The following PABPC4L variants were observed in gnomAD, a reference collection of about 807,000 sequenced individuals.
The protein encoded by PABPC4L is poly(A) binding protein cytoplasmic 4 like.
For synonymous variants in PABPC4L, 169 were observed against 164.1 expected, an observed-to-expected ratio of 1.03 and a Z score of -0.23; for missense variants, 452 against 451.4, an observed-to-expected ratio of 1.00 and a Z score of -0.01.
the PABPC4L span, among the ~76,000 whole-genome samples, chr4:134,077,441 G>A: frequency 6.6e-6 from 1 of 151,882 alleles, no homozygotes; most frequent in African/African-American, 2.4e-5. Flanking sequence ...TGCAGAAGAG[G>A]GGAAAAAAAA....
chr4:133,957,644 A>G, the PABPC4L span, among the ~76,000 whole-genome samples: 1 of 152,164 alleles, frequency 6.6e-6, no homozygotes, highest in African/African-American at 2.4e-5. Flanking sequence ...GCCCCAGCAG[A>G]GGTTCTCCAT....
At chr4:133,981,181 C>T in the PABPC4L span, among the ~76,000 whole-genome samples, 1 of 151,482 alleles carries the variant, frequency 6.6e-6, no homozygotes, top group African/African-American at 2.4e-5. Context: ...AAAATAGTAA[C>T]AAATATTTTC....
chr4:134,111,209 A>G, the PABPC4L span, among the ~76,000 whole-genome samples: 1 of 151,752 alleles, frequency 6.6e-6, no homozygotes, highest in Non-Finnish European at 1.5e-5. Flanking sequence ...AAAGGGGCAA[A>G]CTCCCTTCAC....
At chr4:134,101,891 A>G in the PABPC4L span, among the ~76,000 whole-genome samples, 1 of 151,528 alleles carries the variant, frequency 6.6e-6, no homozygotes, top group South Asian at 2.1e-4. Flanking sequence ...TATATACAAA[A>G]TAGCATATGT....
chr4:134,143,717 A>G, the PABPC4L span, among the ~76,000 whole-genome samples: 227 of 151,522 alleles, frequency 1.5e-3, no homozygotes, highest in African/African-American at 5.2e-3. Context: ...ATATGTATTA[A>G]TCACCTAAAT....
At chr4:134,041,402 A>C in the PABPC4L span, among the ~76,000 whole-genome samples, 1 of 152,144 alleles carries the variant, frequency 6.6e-6, no homozygotes, top group Non-Finnish European at 1.5e-5. Flanking sequence ...CCATAAAAGA[A>C]AAGGATGAGT....
At chr4:133,948,801 A>C in the PABPC4L span, among the ~76,000 whole-genome samples, 23 of 152,268 alleles carry the variant, frequency 1.5e-4, no homozygotes, top group African/African-American at 5.5e-4. Flanking sequence ...AATTTGACCC[A>C]TTGAACCCAA....
the PABPC4L span, among the ~76,000 whole-genome samples, chr4:134,091,218 T>C: frequency 6.6e-6 from 1 of 152,058 alleles, no homozygotes; most frequent in Non-Finnish European, 1.5e-5. Flanking sequence ...CATTTACGCT[T>C]TCTACATTTA....
the PABPC4L span, among the ~76,000 whole-genome samples, chr4:133,981,107 G>A: frequency 6.6e-6 from 1 of 152,048 alleles, no homozygotes; most frequent in Admixed American, 6.5e-5. Context: ...GTTGCAGTGA[G>A]TGGAGATCGT....
the PABPC4L span, among the ~76,000 whole-genome samples, chr4:134,030,398 G>A: frequency 1.6e-4 from 24 of 151,910 alleles, no homozygotes; most frequent in Admixed American, 2.6e-4. Context: ...TCCTTAATTC[G>A]TCTTGAATTG....
At chr4:134,173,644 T>C in the PABPC4L span, among the ~76,000 whole-genome samples, 1 of 152,072 alleles carries the variant, frequency 6.6e-6, no homozygotes, top group Admixed American at 6.6e-5. Flanking sequence ...CAGTGTTTTG[T>C]AGCAAAATAA....
At chr4:134,014,529 C>T in the PABPC4L span, among the ~76,000 whole-genome samples, 1 of 152,134 alleles carries the variant, frequency 6.6e-6, no homozygotes, top group African/African-American at 2.4e-5. Flanking sequence ...TGTGTGGGAC[C>T]CCACTGGAAA....
the PABPC4L span, among the ~76,000 whole-genome samples, chr4:134,132,082 T>C: frequency 6.6e-6 from 1 of 152,116 alleles, no homozygotes; most frequent in Non-Finnish European, 1.5e-5. Context: ...ATTAAGGACT[T>C]AAACATAAGA....
At chr4:133,955,229 G>A in the PABPC4L span, among the ~76,000 whole-genome samples, 4 of 151,714 alleles carry the variant, frequency 2.6e-5, no homozygotes, top group Non-Finnish European at 5.9e-5. Context: ...CTGGGGGATA[G>A]TTTAATACTT....
At chr4:133,981,496 A>G in the PABPC4L span, among the ~76,000 whole-genome samples, 1 of 152,156 alleles carries the variant, frequency 6.6e-6, no homozygotes, top group Non-Finnish European at 1.5e-5. Flanking sequence ...ATTCACCATC[A>G]GATATTAATT....
At chr4:134,188,739 CTTTA>C in the PABPC4L span, among the ~76,000 whole-genome samples, 3 of 151,884 alleles carry the variant, frequency 2.0e-5, no homozygotes, top group African/African-American at 7.3e-5. Context: ...TTATATTTGT[CTTTA>C]TTTTTCTGCA....
chr4:133,993,400 T>C, the PABPC4L span, among the ~76,000 whole-genome samples: 1 of 152,314 alleles, frequency 6.6e-6, no homozygotes, highest in South Asian at 2.1e-4. Flanking sequence ...TTTTAATTTT[T>C]GTGGGCTGCC....
At chr4:134,128,485 C>CT in the PABPC4L span, among the ~76,000 whole-genome samples, 1 of 152,136 alleles carries the variant, frequency 6.6e-6, no homozygotes, top group African/African-American at 2.4e-5. Flanking sequence ...CTAGAAGAGA[C>CT]TGGGGTCCTA....
chr4:134,129,594 C>T, the PABPC4L span, among the ~76,000 whole-genome samples: 2 of 151,192 alleles, frequency 1.3e-5, no homozygotes, highest in Admixed American at 6.6e-5. Context: ...ACAATGAAAT[C>T]GAGATGGAAA....
Sources: gnomAD v4.1 joint callset for allele counts (sites outside exome capture counted in the v4.1 genomes callset) on GRCh38, gnomAD v4.1.1 for gene constraint, MANE v1.5 for transcripts, NCBI Gene and HGNC (gene_info 2026-07-23, HGNC 2026-07-21) for gene names.